Variants in FABP7 observed in about 807,000 individuals in gnomAD.
FABP7 encodes the protein fatty acid-binding protein, brain.
FABP7 carries 13 observed loss-of-function variants against 14.2 expected under a neutral mutation model. The ratio of observed to expected loss-of-function variants is 0.91; its 90% CI spans 0.59 to 1.45. The LOEUF (loss-of-function observed/expected upper bound fraction) is 1.45. FABP7 is among the 40% of genes most tolerant of loss of function. FABP7 has a pLI of 0.00. For synonymous variants in FABP7, 49 were observed against 51.4 expected (o/e 0.95, Z 0.20); for missense variants, 149 against 157.6 (o/e 0.95, Z 0.29).
the FABP7 span, among the ~76,000 whole-genome samples, chr6:122,757,029 A>G: frequency 6.6e-6 from 1 of 152,170 alleles, no homozygotes; most frequent in Non-Finnish European, 1.5e-5. Flanking sequence ...CTAAGGGTTA[A>G]GTGATCTATT....
intron 1 of FABP7, 57 bp downstream of exon 1, chr6:122,779,924 A>G: frequency 6.5e-7 from 1 of 1,544,278 alleles, no homozygotes; most frequent in East Asian, 2.2e-5. Context: ...AGATATTTGC[A>G]GATTCCATTT....
At chr6:122,769,417 A>G in the FABP7 span, among the ~76,000 whole-genome samples, 2 of 152,130 alleles carry the variant, frequency 1.3e-5, no homozygotes, top group Admixed American at 1.3e-4. Context: ...ATTAAATCCT[A>G]TTGTAAGCTC....
At chr6:122,763,368 CACCTTATACAA>C in the FABP7 span, among the ~76,000 whole-genome samples, 19 of 152,270 alleles carry the variant, frequency 1.2e-4, no homozygotes, top group African/African-American at 4.3e-4. Context: ...CCCTTCCTTA[CACCTTATACAA>C]AAATTAATTC....
chr6:122,777,786 T>A (rs1043742555), upstream of FABP7, among the ~76,000 whole-genome samples: 3 of 151,838 alleles, frequency 2.0e-5, no homozygotes, highest in African/African-American at 7.3e-5. Flanking sequence ...GAGGTTGCAG[T>A]GGGCTGAGAT....
chr6:122,760,050 C>T, the FABP7 span, among the ~76,000 whole-genome samples: 524 of 151,252 alleles, frequency 3.5e-3, 16 homozygotes, highest in East Asian at 0.052. Context: ...ACCCAGGAGG[C>T]GGAGGTTGCC....
At chr6:122,775,943 A>G (rs1235908416), upstream of FABP7, among the ~76,000 whole-genome samples, 1 of 152,172 alleles carries the variant, frequency 6.6e-6, no homozygotes, top group Non-Finnish European at 1.5e-5. Context: ...CATATGAAAA[A>G]TACTCAACAC....
chr6:122,782,026 A>G, intron 3 of FABP7: 1 of 981,860 alleles, frequency 1.0e-6, no homozygotes. Flanking sequence ...TGCTGGGATT[A>G]CAGGCCTGAG....
the FABP7 span, among the ~76,000 whole-genome samples, chr6:122,762,886 A>G: frequency 6.6e-6 from 1 of 152,158 alleles, no homozygotes; most frequent in African/African-American, 2.4e-5. Context: ...TCAATGAAAT[A>G]AAAGAGGACA....
At chr6:122,774,387 GAC>G in the FABP7 span, among the ~76,000 whole-genome samples, 19 of 28,226 alleles carry the variant, frequency 6.7e-4, no homozygotes, top group Non-Finnish European at 2.1e-3. Context: ...AAAAAAAAAA[GAC>G]AGAGAGAGAG....
chr6:122,781,740 C>CCA, intron 3 of FABP7: 1 of 739,880 alleles, frequency 1.4e-6, no homozygotes, highest in Non-Finnish European at 1.6e-6. Flanking sequence ...AGTGATAACC[C>CCA]TTTTTTTTTT....
At chr6:122,783,418 T>C in intron 3 of FABP7, 1 of 984,954 alleles carries the variant, frequency 1.0e-6, no homozygotes, top group Non-Finnish European at 1.2e-6. Flanking sequence ...GAAAACAACG[T>C]AGACACTCCA....
At chr6:122,776,916 A>T (rs897685654), upstream of FABP7, among the ~76,000 whole-genome samples, 15 of 152,324 alleles carry the variant, frequency 9.8e-5, no homozygotes, top group African/African-American at 3.6e-4. Flanking sequence ...TTAATATGCA[A>T]CCAAAAAAAC....
the FABP7 span, among the ~76,000 whole-genome samples, chr6:122,758,659 A>G: frequency 1.3e-5 from 2 of 152,208 alleles, no homozygotes; most frequent in East Asian, 3.9e-4. Context: ...TACCCTAAGT[A>G]TATGCTGGGC....
In FABP7 at chr6:122,780,284, A is replaced by G; in HGVS notation, c.74-7A>G. 6.2e-7 allele frequency: 1 copy of G among 1,613,880 alleles called. No individual in the cohort carries two copies. Among genetic ancestry groups the G allele is most frequent in the Non-Finnish European group, 8.5e-7 (1 of 1,179,954 alleles). Reference sequence around the variant, plus strand: ...TGCAGACTGTACTGTTCCCTTTGCTATTTTAGGCGTGGGCTTTGCCACTAG... The same window carrying G: ...TGCAGACTGTACTGTTCCCTTTGCTGTTTTAGGCGTGGGCTTTGCCACTAG... On this transcript the variant is annotated splice_polypyrimidine_tract_variant and splice_region_variant and intron_variant, in intron 1 of 3. Transcript: ENST00000368444.
chr6:122,757,381 C>T, the FABP7 span, among the ~76,000 whole-genome samples: 56 of 151,976 alleles, frequency 3.7e-4, 1 homozygote, highest in South Asian at 0.011. Flanking sequence ...TAGGAATCAC[C>T]GAGAAGATGA....
chr6:122,759,403 T>C, the FABP7 span, among the ~76,000 whole-genome samples: 1 of 152,236 alleles, frequency 6.6e-6, no homozygotes, highest in Non-Finnish European at 1.5e-5. Flanking sequence ...AACAAAGGGC[T>C]ATTTTTCTTC....
At chr6:122,761,771 G>C in the FABP7 span, among the ~76,000 whole-genome samples, 16 of 152,042 alleles carry the variant, frequency 1.1e-4, no homozygotes, top group Admixed American at 3.3e-4. Context: ...AAACCTCATG[G>C]CCTCTAAATG....
the FABP7 span, among the ~76,000 whole-genome samples, chr6:122,763,603 A>G: frequency 2.0e-5 from 3 of 152,232 alleles, no homozygotes; most frequent in African/African-American, 7.2e-5. Flanking sequence ...TGAACAGCCA[A>G]CCTACAGAAT....
chr6:122,775,282 C>G (rs1488131415), upstream of FABP7, among the ~76,000 whole-genome samples: 1 of 152,022 alleles, frequency 6.6e-6, no homozygotes, highest in African/African-American at 2.4e-5. Flanking sequence ...GCTATAGTAA[C>G]AAAAAGTGCA....
Sources: gnomAD v4.1 joint callset for allele counts (sites outside exome capture counted in the v4.1 genomes callset) on GRCh38, gnomAD v4.1.1 for gene constraint, MANE v1.5 for transcripts, NCBI Gene and HGNC (gene_info 2026-07-23, HGNC 2026-07-21) for gene names.